Variants in EYS observed in about 807,000 individuals in gnomAD.
EYS encodes the protein EGF-like photoreceptor maintenance factor, also known as protein eyes shut homolog.
In EYS, 250 loss-of-function variants were observed where a neutral mutation model predicts 282.1. The ratio of observed to expected loss-of-function variants is 0.89; its 90% CI spans 0.80 to 0.98. The LOEUF (loss-of-function observed/expected upper bound fraction) is 0.98. EYS is among the 50% of genes least tolerant of loss of function. EYS has a pLI of 0.00. For synonymous variants in EYS, 1,355 were observed against 1,282.9 expected, an observed-to-expected ratio of 1.06 and a Z score of -1.20; for missense variants, 4,016 against 3,709.0, an observed-to-expected ratio of 1.08 and a Z score of -2.15.
intron 2 of EYS, among the ~76,000 whole-genome samples, chr6:65,497,099 T>C (rs1232019964): frequency 1.3e-5 from 2 of 152,094 alleles, no homozygotes; most frequent in Non-Finnish European, 1.5e-5. Flanking sequence ...ATTAATCACC[T>C]TGTTAATTTT....
chr6:65,258,043 A>T (rs1013989546), intron 12 of EYS, among the ~76,000 whole-genome samples: 12 of 152,020 alleles, frequency 7.9e-5, no homozygotes, highest in Non-Finnish European at 1.3e-4. Flanking sequence ...TAGACAACAG[A>T]TACTCCCTTT....
intron 22 of EYS, among the ~76,000 whole-genome samples, chr6:64,744,445 C>T (rs529127637): frequency 1.8e-4 from 27 of 152,260 alleles, no homozygotes; most frequent in African/African-American, 6.5e-4. Flanking sequence ...TTGGGTTATT[C>T]TAGACATTTT....
rs569635523 is a variant in EYS, at chr6:65,385,954, A to G, written c.1185-1454T>C. On this transcript the variant is annotated intron_variant, in intron 7 of 42. Coordinates refer to ENST00000503581, the MANE Select transcript of EYS (RefSeq NM_001142800.2). ...ATATCCTAAAAGTTGATGAGTTTCA[A>G]TTTTCCTTTTGAGTTGGAATGGACT... Among the ~76,000 whole-genome samples, 4 of 151,964 alleles carry G rather than the reference A, an allele frequency of 2.6e-5. No homozygotes were observed. In the East Asian group the frequency reaches 7.8e-4, roughly 30 times the overall value.
At chr6:64,696,963 T>A (rs1439188519) in intron 22 of EYS, among the ~76,000 whole-genome samples, 1 of 151,860 alleles carries the variant, frequency 6.6e-6, no homozygotes, top group African/African-American at 2.4e-5. Flanking sequence ...CATGAGAAAA[T>A]GCTATCAAAC....
intron 13 of EYS, among the ~76,000 whole-genome samples, chr6:65,027,950 TG>T (rs1161871548): frequency 6.6e-6 from 1 of 152,172 alleles, no homozygotes; most frequent in Non-Finnish European, 1.5e-5. Flanking sequence ...TATGGTAAAG[TG>T]AATACTTAAT....
rs141188793 is a variant in EYS, at chr6:63,912,098, G to A, written c.7056-47740C>T. On this transcript the variant is annotated intron_variant, in intron 35 of 42. Transcript: ENST00000503581. ...AGCCCTAGATTTAGATCTGTCTCTCGGGATTTGCAAAGTTGTAGAGAGGAA... is the reference window on the plus strand; with the variant it reads ...AGCCCTAGATTTAGATCTGTCTCTCAGGATTTGCAAAGTTGTAGAGAGGAA... Among the ~76,000 whole-genome samples the A allele has an allele frequency of 4.4e-3, 667 of 152,216 alleles. 4 individuals are homozygous for A. The highest frequency in any genetic ancestry group is 0.015 in the African/African-American group (638 of 41,528).
intron 11 of EYS, among the ~76,000 whole-genome samples, chr6:65,311,955 T>C (rs1403704761): frequency 2.6e-5 from 4 of 152,234 alleles, no homozygotes; most frequent in Non-Finnish European, 5.9e-5. Flanking sequence ...AAATTATTTA[T>C]TGTATATTTG....
intron 28 of EYS, among the ~76,000 whole-genome samples, chr6:64,391,627 G>A (rs867331072): frequency 0.018 from 2,663 of 152,048 alleles, 25 homozygotes; most frequent in African/African-American, 0.026. Flanking sequence ...TGAAGGAAGC[G>A]CTAAACATGG....
intron 35 of EYS, among the ~76,000 whole-genome samples, chr6:63,868,968 A>G (rs1472034889): frequency 6.6e-6 from 1 of 152,166 alleles, no homozygotes; most frequent in Non-Finnish European, 1.5e-5. Flanking sequence ...GTCATTTTTC[A>G]TTTATAACTT....
At chr6:64,002,751 G>A (rs918897900) in intron 33 of EYS, among the ~76,000 whole-genome samples, 7 of 152,080 alleles carry the variant, frequency 4.6e-5, no homozygotes, top group Admixed American at 1.3e-4. Flanking sequence ...TTGCCCAGGC[G>A]GGTCTTGAAC....
chr6:64,525,040 G>A (rs1425638326), intron 26 of EYS, among the ~76,000 whole-genome samples: 1 of 151,848 alleles, frequency 6.6e-6, no homozygotes, highest in Admixed American at 6.6e-5. Context: ...TGCTGGTGAG[G>A]TTGTGAAGTA....
chr6:64,401,676 A>G (rs993974030), intron 28 of EYS, among the ~76,000 whole-genome samples: 1 of 152,046 alleles, frequency 6.6e-6, no homozygotes, highest in African/African-American at 2.4e-5. Flanking sequence ...AAAAATACTT[A>G]TTAAACTGCA....
chr6:63,777,343 T>G (rs1770090409), intron 40 of EYS, among the ~76,000 whole-genome samples: 1 of 152,186 alleles, frequency 6.6e-6, no homozygotes, highest in Admixed American at 6.5e-5. Flanking sequence ...TGGTGAACAC[T>G]GTGTCCTGTG....
intron 35 of EYS, among the ~76,000 whole-genome samples, chr6:63,914,141 G>T (rs1391515516): frequency 6.6e-6 from 1 of 151,924 alleles, no homozygotes; most frequent in Non-Finnish European, 1.5e-5. Context: ...CTCTCTCTAG[G>T]ACTCCCTATA....
chr6:65,358,181 G>A (rs1764566310), intron 8 of EYS, among the ~76,000 whole-genome samples: 1 of 151,904 alleles, frequency 6.6e-6, no homozygotes, highest in Admixed American at 6.6e-5. Context: ...ATTTGGAACT[G>A]ATGCTTTAAA....
intron 19 of EYS, among the ~76,000 whole-genome samples, chr6:64,875,441 C>G (rs1235626054): frequency 6.6e-6 from 1 of 152,036 alleles, no homozygotes; most frequent in Non-Finnish European, 1.5e-5. Context: ...TATCTTCTTC[C>G]TTGTCCAGCC....
At position 64,981,658 on chromosome 6, in the gene EYS, T is replaced by G. The variant is rs532392112; in HGVS notation, c.2259+15924A>C. 4.0e-5 allele frequency among the ~76,000 whole-genome samples: 6 copies of G among 151,326 alleles called. No homozygotes were observed. The East Asian group carries it at 9.8e-4, about 25-fold the overall frequency. ...TTGAGCCATAATTTGCATACGGGAGTCTGGTTTCAGATCCAACATCTTAAC... is the reference window on the plus strand; with the variant it reads ...TTGAGCCATAATTTGCATACGGGAGGCTGGTTTCAGATCCAACATCTTAAC... On this transcript the variant is annotated intron_variant, in intron 14 of 42. Transcript: ENST00000503581.
At chr6:64,906,457 A>C (rs990617457) in intron 16 of EYS, among the ~76,000 whole-genome samples, 2 of 152,202 alleles carry the variant, frequency 1.3e-5, no homozygotes, top group African/African-American at 4.8e-5. Flanking sequence ...GTAATTTCTA[A>C]TTTATACAAA....
intron 31 of EYS, among the ~76,000 whole-genome samples, chr6:64,153,726 G>A (rs900357318): frequency 6.6e-6 from 1 of 152,150 alleles, no homozygotes; most frequent in Non-Finnish European, 1.5e-5. Context: ...ACTATGAAGA[G>A]CAATTTGGAA....
Sources: allele counts gnomAD v4.1 joint callset (sites outside exome capture counted in the v4.1 genomes callset), GRCh38; gene constraint gnomAD v4.1.1; transcripts MANE v1.5; gene names NCBI Gene and HGNC (gene_info 2026-07-23, HGNC 2026-07-21).